Variants in ARB2A observed in about 807,000 individuals in gnomAD.
The protein encoded by ARB2A is ARB2 cotranscriptional regulator A.
the ARB2A span, among the ~76,000 whole-genome samples, chr5:93,978,623 G>C: frequency 1.3e-5 from 2 of 151,990 alleles, no homozygotes; most frequent in Non-Finnish European, 2.9e-5. Context: ...AAGTAGGCAG[G>C]GAGGGAAGAA....
chr5:93,872,692 C>T, the ARB2A span, among the ~76,000 whole-genome samples: 2 of 151,558 alleles, frequency 1.3e-5, no homozygotes, highest in African/African-American at 2.4e-5. Context: ...CTGAGGCGGG[C>T]GGATCACAAG....
At chr5:93,960,762 A>G in the ARB2A span, among the ~76,000 whole-genome samples, 1 of 152,252 alleles carries the variant, frequency 6.6e-6, no homozygotes, top group Non-Finnish European at 1.5e-5. Flanking sequence ...TACAAGAGCT[A>G]TACAATGTTA....
chr5:94,052,766 T>C, the ARB2A span, among the ~76,000 whole-genome samples: 1 of 152,206 alleles, frequency 6.6e-6, no homozygotes, highest in African/African-American at 2.4e-5. Context: ...CTAAATAACA[T>C]GTGAAACAGT....
chr5:93,682,801 A>G, the ARB2A span: 4 of 1,108,854 alleles, frequency 3.6e-6, no homozygotes, highest in African/African-American at 6.1e-5. Context: ...ATGAAATAAG[A>G]CGGAAAATTT....
the ARB2A span, among the ~76,000 whole-genome samples, chr5:93,837,096 AC>A: frequency 6.6e-6 from 1 of 152,272 alleles, no homozygotes; most frequent in South Asian, 2.1e-4. Context: ...TAAGTATAGT[AC>A]CCAATAGGTA....
chr5:94,030,231 T>G, the ARB2A span, among the ~76,000 whole-genome samples: 1 of 152,354 alleles, frequency 6.6e-6, no homozygotes, highest in Non-Finnish European at 1.5e-5. Flanking sequence ...TTCTCACAAT[T>G]TATAGATCAG....
the ARB2A span, among the ~76,000 whole-genome samples, chr5:93,666,965 A>C: frequency 2.0e-5 from 3 of 152,216 alleles, no homozygotes; most frequent in African/African-American, 4.8e-5. Flanking sequence ...CATAAAAAGA[A>C]AATTTAAAAT....
the ARB2A span, among the ~76,000 whole-genome samples, chr5:93,823,576 T>A: frequency 6.6e-6 from 1 of 152,120 alleles, no homozygotes; most frequent in Non-Finnish European, 1.5e-5. Context: ...GGTGTATACA[T>A]AAAGCAGAAA....
the ARB2A span, among the ~76,000 whole-genome samples, chr5:93,915,380 A>C: frequency 6.6e-6 from 1 of 151,762 alleles, no homozygotes; most frequent in East Asian, 1.9e-4. Flanking sequence ...CCTTGCTTTC[A>C]CTTACTTCTG....
At chr5:94,056,618 A>T in the ARB2A span, among the ~76,000 whole-genome samples, 1 of 152,202 alleles carries the variant, frequency 6.6e-6, no homozygotes, top group Non-Finnish European at 1.5e-5. Context: ...GGTTAAAGTG[A>T]TCCAGCAACT....
chr5:93,951,592 A>G, the ARB2A span, among the ~76,000 whole-genome samples: 5 of 152,122 alleles, frequency 3.3e-5, no homozygotes, highest in Non-Finnish European at 7.4e-5. Flanking sequence ...CCTTTCTCCA[A>G]TGTATATTCT....
chr5:93,963,612 T>C, the ARB2A span, among the ~76,000 whole-genome samples: 1 of 151,960 alleles, frequency 6.6e-6, no homozygotes, highest in Non-Finnish European at 1.5e-5. Flanking sequence ...AAAATAGCAC[T>C]ATCCAAAGAA....
chr5:94,040,098 C>G, the ARB2A span, among the ~76,000 whole-genome samples: 1 of 152,086 alleles, frequency 6.6e-6, no homozygotes, highest in Non-Finnish European at 1.5e-5. Context: ...AGAGTCTCTT[C>G]TAAGACTTAG....
At chr5:93,622,793 T>C in the ARB2A span, among the ~76,000 whole-genome samples, 18 of 152,346 alleles carry the variant, frequency 1.2e-4, no homozygotes, top group Non-Finnish European at 2.2e-4. Flanking sequence ...TGTAGGTTTA[T>C]CTTGTTAAAT....
chr5:93,701,243 A>C, the ARB2A span, among the ~76,000 whole-genome samples: 1 of 152,142 alleles, frequency 6.6e-6, no homozygotes, highest in African/African-American at 2.4e-5. Context: ...TCTCTTTTAA[A>C]ATGCTATTCA....
the ARB2A span, among the ~76,000 whole-genome samples, chr5:93,922,298 G>A: frequency 1.3e-5 from 2 of 151,936 alleles, no homozygotes; most frequent in African/African-American, 4.8e-5. Flanking sequence ...AAAAATTGAA[G>A]AGGCAGTGAA....
the ARB2A span, among the ~76,000 whole-genome samples, chr5:93,954,681 C>A: frequency 6.9e-6 from 1 of 145,576 alleles, no homozygotes; most frequent in Non-Finnish European, 1.5e-5. Flanking sequence ...CTAAGCACAG[C>A]ACAGCACAGC....
At chr5:93,819,896 T>A in the ARB2A span, among the ~76,000 whole-genome samples, 1 of 151,988 alleles carries the variant, frequency 6.6e-6, no homozygotes, top group Non-Finnish European at 1.5e-5. Flanking sequence ...GAAAATAGAG[T>A]TCCCTTCATT....
the ARB2A span, among the ~76,000 whole-genome samples, chr5:94,097,432 C>T: frequency 1.3e-5 from 2 of 152,134 alleles, no homozygotes; most frequent in African/African-American, 4.8e-5. Context: ...TCTTGAATTC[C>T]CATGTGTTGT....
Sources: allele counts gnomAD v4.1 joint callset (sites outside exome capture counted in the v4.1 genomes callset), GRCh38; gene constraint gnomAD v4.1.1; transcripts MANE v1.5; gene names NCBI Gene and HGNC (gene_info 2026-07-23, HGNC 2026-07-21).